The following KATNAL2 variants were observed in gnomAD, a reference collection of about 807,000 sequenced individuals.
The protein encoded by KATNAL2 is katanin p60 ATPase-containing subunit A-like 2.
Under a neutral mutation model 76.3 loss-of-function variants are expected in KATNAL2, and 52 were observed. That is an observed-to-expected ratio of 0.68 (90% CI 0.55 to 0.86). The LOEUF (loss-of-function observed/expected upper bound fraction) is 0.86. KATNAL2 is among the 40% of genes least tolerant of loss of function. KATNAL2 has a pLI of 0.00. For missense variants in KATNAL2, 660 were observed against 668.9 expected (o/e 0.99, Z 0.15); for synonymous variants, 243 against 244.2 (o/e 1.00, Z 0.05).
chr18:46,961,331 T>G (rs963477243), intron 3 of KATNAL2, among the ~76,000 whole-genome samples: 1 of 152,220 alleles, frequency 6.6e-6, no homozygotes, highest in African/African-American at 2.4e-5. Context: ...GGTCCCCACC[T>G]CATTTCCCCT....
chr18:47,061,680 G>A (rs567978958), intron 8 of KATNAL2, among the ~76,000 whole-genome samples: 1 of 152,220 alleles, frequency 6.6e-6, no homozygotes, highest in South Asian at 2.1e-4. Flanking sequence ...TGGCTCAGAT[G>A]CTCCCCCACT....
intron 13 of KATNAL2, 131 bp from the exon 14 acceptor site, chr18:47,075,145 TA>T: frequency 1.7e-6 from 1 of 602,318 alleles, no homozygotes; most frequent in Non-Finnish European, 2.7e-6. Context: ...GTAATGATTA[TA>T]AAGTTTTTGT....
At chr18:47,076,382 TACC>T (rs1455910463) in intron 14 of KATNAL2, 1 of 152,224 alleles carries the variant, frequency 6.6e-6, no homozygotes, top group African/African-American at 2.4e-5. Flanking sequence ...CTGCTTTCTA[TACC>T]AGGCCTGATA....
chr18:47,046,148 G>C (rs1212682222), intron 3 of KATNAL2, among the ~76,000 whole-genome samples: 4 of 152,148 alleles, frequency 2.6e-5, no homozygotes, highest in Non-Finnish European at 5.9e-5. Context: ...AATAGTAGTA[G>C]ATGTACATTT....
intron 15 of KATNAL2, among the ~76,000 whole-genome samples, chr18:47,097,013 G>T (rs971952910): frequency 6.6e-6 from 1 of 151,550 alleles, no homozygotes; most frequent in Non-Finnish European, 1.5e-5. Flanking sequence ...CCAGCTACTG[G>T]GGGGCTGAGG....
chr18:46,955,784 C>T (rs1052110960), intron 3 of KATNAL2, among the ~76,000 whole-genome samples: 4 of 152,130 alleles, frequency 2.6e-5, no homozygotes, highest in Non-Finnish European at 5.9e-5. Flanking sequence ...AACTCCTGTC[C>T]TCACACAATC....
chr18:47,098,078 TAG>T (rs898759337), intron 15 of KATNAL2: 9 of 157,548 alleles, frequency 5.7e-5, no homozygotes, highest in African/African-American at 1.7e-4. Flanking sequence ...AATAGGTAGA[TAG>T]AGAGATATGA....
intron 1 of KATNAL2, among the ~76,000 whole-genome samples, chr18:46,924,808 G>T (rs2058678520): frequency 1.3e-5 from 2 of 152,070 alleles, no homozygotes; most frequent in Non-Finnish European, 2.9e-5. Context: ...TTGTAAGTTG[G>T]ATTCAATACC....
chr18:47,034,978 C>T (rs750506707), intron 3 of KATNAL2: 2 of 1,611,618 alleles, frequency 1.2e-6, no homozygotes, highest in South Asian at 2.2e-5. Flanking sequence ...GAAGCGCTGT[C>T]GGGAAGCGCT....
rs1021816225 is a variant in KATNAL2, at chr18:47,063,495, C to T, written c.726+134C>T. 1.2e-4 allele frequency: 77 copies of T among 627,056 alleles called. 1 individual carries two copies. In the African/African-American group the frequency reaches 1.3e-3, roughly 11 times the overall value. The allele number at this position is 627,056 out of a possible 1,614,324, so 38.8% of individuals were successfully genotyped here. ...AAGTGCCCCCACTTGCGCAGGCACT[C>T]ATATTGTTTAGAGGCACAATAATGC... is the stretch of plus-strand genomic sequence containing the variant. On this transcript the variant is annotated intron_variant, in intron 10 of 17. Coordinates refer to ENST00000683218, the MANE Select transcript of KATNAL2 (RefSeq NM_001387690.1).
chr18:47,042,741 A>G (rs2086380505), intron 3 of KATNAL2, among the ~76,000 whole-genome samples: 1 of 152,224 alleles, frequency 6.6e-6, no homozygotes, highest in East Asian at 1.9e-4. Context: ...AGTTCAGGAT[A>G]TCCCCTATCC....
intron 3 of KATNAL2, chr18:47,034,545 C>T: frequency 6.2e-7 from 1 of 1,614,244 alleles, no homozygotes; most frequent in Non-Finnish European, 8.5e-7. Context: ...GCCAATCTCC[C>T]TGGGCACACA....
chr18:47,099,465 A>G (rs1246831000), intron 16 of KATNAL2, 60 bp downstream of exon 16: 2 of 1,483,656 alleles, frequency 1.3e-6, no homozygotes, highest in Non-Finnish European at 9.1e-7. Context: ...GCCATCTTGT[A>G]GACCAGGTCT....
chr18:47,084,692 T>C (rs1379059437), intron 15 of KATNAL2, among the ~76,000 whole-genome samples: 1 of 151,128 alleles, frequency 6.6e-6, no homozygotes, highest in African/African-American at 2.4e-5. Flanking sequence ...CTACTAAAAA[T>C]ACAAAAATTA....
chr18:47,076,834 G>C (rs566480815), intron 14 of KATNAL2, among the ~76,000 whole-genome samples: 5 of 149,306 alleles, frequency 3.3e-5, no homozygotes, highest in Admixed American at 1.3e-4. Flanking sequence ...TATATAGAGA[G>C]AGACGGTCTT....
At chr18:47,038,086 A>G (rs1344683651) in intron 3 of KATNAL2, among the ~76,000 whole-genome samples, 2 of 152,102 alleles carry the variant, frequency 1.3e-5, no homozygotes, top group African/African-American at 2.4e-5. Flanking sequence ...CTGTGATTCT[A>G]ATAAAAAAAA....
Position 47,069,297 on chromosome 18 carries a change from C to T in KATNAL2, c.889+14C>T, listed in dbSNP as rs1248056701. 1 of 1,600,670 alleles carries T rather than the reference C, an allele frequency of 6.2e-7. No individual in the cohort carries two copies. The highest frequency in any genetic ancestry group is 1.7e-5 in the Admixed American group (1 of 58,584). Reference sequence around the variant, plus strand: ...ACGGCCCTCCAGGTAAACACAGCTTCCTATTTTGATGTCAGTGTTAAGTGT... The same window carrying T: ...ACGGCCCTCCAGGTAAACACAGCTTTCTATTTTGATGTCAGTGTTAAGTGT... On this transcript the variant is annotated intron_variant, in intron 12 of 17. Transcript: ENST00000683218.
chr18:47,034,106 G>T (rs759833473), intron 3 of KATNAL2: 3 of 1,614,230 alleles, frequency 1.9e-6, no homozygotes, highest in Non-Finnish European at 2.5e-6. Context: ...TCGTAGGTGA[G>T]GTATTTTTCA....
chr18:47,032,926 G>A, intron 3 of KATNAL2: 1 of 1,610,150 alleles, frequency 6.2e-7, no homozygotes, highest in South Asian at 1.1e-5. Context: ...TCCATTGGAA[G>A]TTTCGTTCCC....
Sources: gnomAD v4.1 joint callset for allele counts (sites outside exome capture counted in the v4.1 genomes callset) on GRCh38, gnomAD v4.1.1 for gene constraint, MANE v1.5 for transcripts, NCBI Gene and HGNC (gene_info 2026-07-23, HGNC 2026-07-21) for gene names.